DLG2: variants seen among roughly 807,000 people sequenced by gnomAD.
DLG2 encodes disks large homolog 2.
In DLG2, 45 loss-of-function variants were observed where a neutral mutation model predicts 132.5. The observed-to-expected ratio is 0.34, with a 90% CI of 0.27 to 0.44. The LOEUF is 0.44. DLG2 is among the 20% of genes least tolerant of loss of function. The probability of loss-of-function intolerance (pLI) is 1.00; values close to 1 mark genes in which losing one functional copy is unlikely to be tolerated. For missense variants in DLG2, 1,045 were observed against 1,196.9 expected (o/e 0.87, Z 1.87); for synonymous variants, 424 against 419.6 (o/e 1.01, Z -0.13).
At chr11:85,458,573 G>A (rs79951646) in intron 3 of DLG2, among the ~76,000 whole-genome samples, 2,969 of 152,280 alleles carry the variant, frequency 0.019, 113 homozygotes, top group African/African-American at 0.067. Context: ...GATAACTGAC[G>A]TGTAGTTTCA....
intron 5 of DLG2, among the ~76,000 whole-genome samples, chr11:85,152,516 C>T (rs558502791): frequency 6.6e-6 from 1 of 151,988 alleles, no homozygotes; most frequent in South Asian, 2.1e-4. Context: ...TGGGATTACA[C>T]CTTGGCCTCC....
intron 7 of DLG2, among the ~76,000 whole-genome samples, chr11:84,251,637 C>CT (rs369651884): frequency 0.8 from 104,088 of 129,880 alleles, 42,012 homozygotes; most frequent in East Asian, 0.94. Flanking sequence ...TGTATCTTTT[C>CT]TTTCTTTTTT....
chr11:84,316,474 C>A, intron 7 of DLG2, among the ~76,000 whole-genome samples: 1 of 151,940 alleles, frequency 6.6e-6, no homozygotes, highest in South Asian at 2.1e-4. Flanking sequence ...TATTTTTTCT[C>A]TGCTCTTTAA....
intron 6 of DLG2, among the ~76,000 whole-genome samples, chr11:85,026,089 T>G (rs2060489363): frequency 6.6e-6 from 1 of 151,908 alleles, no homozygotes; most frequent in South Asian, 2.1e-4. Flanking sequence ...AATTTAAATA[T>G]CAGAAGCCAA....
chr11:83,600,298 C>A (rs540193547), intron 19 of DLG2, among the ~76,000 whole-genome samples: 2 of 149,418 alleles, frequency 1.3e-5, no homozygotes, highest in South Asian at 4.2e-4. Flanking sequence ...CTGTGTGAAT[C>A]CAGCTGAGCT....
chr11:85,519,440 C>T (rs1230972013), intron 3 of DLG2, among the ~76,000 whole-genome samples: 1 of 152,146 alleles, frequency 6.6e-6, no homozygotes, highest in African/African-American at 2.4e-5. Flanking sequence ...TTGCATGGGG[C>T]CTGTAGCCTC....
At chr11:85,313,808 A>C (rs1464300519) in intron 3 of DLG2, among the ~76,000 whole-genome samples, 2 of 151,952 alleles carry the variant, frequency 1.3e-5, no homozygotes, top group East Asian at 3.9e-4. Flanking sequence ...ACTCTTGAGC[A>C]ATAACTGCAC....
chr11:84,452,909 A>C (rs1293837827), intron 7 of DLG2, among the ~76,000 whole-genome samples: 1 of 151,654 alleles, frequency 6.6e-6, no homozygotes, highest in Non-Finnish European at 1.5e-5. Flanking sequence ...TTTAAAAAAG[A>C]ATTACAAATG....
At chr11:84,296,254 G>A (rs537784386) in intron 7 of DLG2, among the ~76,000 whole-genome samples, 1 of 148,776 alleles carries the variant, frequency 6.7e-6, no homozygotes, top group South Asian at 2.1e-4. Flanking sequence ...ATCGACTCTT[G>A]AAATAAAATA....
intron 18 of DLG2, among the ~76,000 whole-genome samples, chr11:83,747,326 TCC>T (rs2092993205): frequency 1.0e-5 from 1 of 97,068 alleles, no homozygotes; most frequent in African/African-American, 3.8e-5. Flanking sequence ...CTTCCTTCCT[TCC>T]TGCCTTCCTT....
intron 7 of DLG2, among the ~76,000 whole-genome samples, chr11:84,345,844 T>C (rs1439293147): frequency 6.6e-6 from 1 of 152,194 alleles, no homozygotes; most frequent in Non-Finnish European, 1.5e-5. Flanking sequence ...TGATAATTGC[T>C]TTTCTGCTAC....
At chr11:83,539,516 T>C (rs2095997323) in intron 20 of DLG2, among the ~76,000 whole-genome samples, 1 of 152,124 alleles carries the variant, frequency 6.6e-6, no homozygotes, top group African/African-American at 2.4e-5. Context: ...TTTTTCTAAA[T>C]GTTCCCACCT....
intron 19 of DLG2, among the ~76,000 whole-genome samples, chr11:83,599,346 T>C (rs2058143555): frequency 6.6e-6 from 1 of 152,206 alleles, no homozygotes; most frequent in Non-Finnish European, 1.5e-5. Context: ...GATAGATTCC[T>C]GAGGGCCTTA....
intron 21 of DLG2, among the ~76,000 whole-genome samples, chr11:83,491,237 A>C (rs1269089373): frequency 6.6e-6 from 1 of 151,724 alleles, no homozygotes; most frequent in Non-Finnish European, 1.5e-5. Context: ...CTGTACCTAG[A>C]AATAAGAAAA....
At chr11:83,659,175 A>C (rs774633527) in intron 18 of DLG2, among the ~76,000 whole-genome samples, 1 of 152,214 alleles carries the variant, frequency 6.6e-6, no homozygotes, top group Non-Finnish European at 1.5e-5. Context: ...TACTTTTGTC[A>C]TCAAATGTTC....
intron 6 of DLG2, among the ~76,000 whole-genome samples, chr11:84,563,136 C>T (rs557336264): frequency 2.0e-5 from 3 of 152,268 alleles, no homozygotes; most frequent in African/African-American, 7.2e-5. Flanking sequence ...CTAGCACTGT[C>T]GCTAGCATAT....
At chr11:84,935,908 T>C (rs1326543147) in intron 6 of DLG2, among the ~76,000 whole-genome samples, 1 of 152,210 alleles carries the variant, frequency 6.6e-6, no homozygotes, top group African/African-American at 2.4e-5. Context: ...TGTCTATAGG[T>C]CAGGTCTACC....
At chr11:85,500,988 T>G (rs554771723) in intron 3 of DLG2, among the ~76,000 whole-genome samples, 1 of 152,326 alleles carries the variant, frequency 6.6e-6, no homozygotes, top group Non-Finnish European at 1.5e-5. Context: ...AGAACAAAGC[T>G]GGAGGCATCA....
chr11:84,334,106 C>A (rs1332148773), intron 7 of DLG2, among the ~76,000 whole-genome samples: 1 of 152,090 alleles, frequency 6.6e-6, no homozygotes, highest in Non-Finnish European at 1.5e-5. Flanking sequence ...AACTCTAAGA[C>A]CTTCATTAAA....
Sources: gnomAD v4.1 joint callset for allele counts (sites outside exome capture counted in the v4.1 genomes callset) on GRCh38, gnomAD v4.1.1 for gene constraint, MANE v1.5 for transcripts, NCBI Gene and HGNC (gene_info 2026-07-23, HGNC 2026-07-21) for gene names.